TMEM132A: variants seen among roughly 807,000 people sequenced by gnomAD.
TMEM132A encodes the protein transmembrane protein 132A, also known as GRP78-binding protein.
TMEM132A carries 48 observed loss-of-function variants against 69.9 expected under a neutral mutation model. The ratio of observed to expected loss-of-function variants is 0.69; its 90% confidence interval spans 0.55 to 0.87. The LOEUF (loss-of-function observed/expected upper bound fraction) is 0.87, where lower values mean the gene tolerates loss of function less well. Among genes scored for constraint, TMEM132A ranks in the 40% least tolerant of loss-of-function variants. The probability of loss-of-function intolerance (pLI) is 0.00; values close to 1 mark genes in which losing one functional copy is unlikely to be tolerated. For synonymous variants in TMEM132A, 577 were observed against 613.7 expected (o/e 0.94, Z 0.88); for missense variants, 1,287 against 1,407.2 (o/e 0.91, Z 1.37).
Position 60,924,723 on chromosome 11 carries a change from C to T in TMEM132A, c.90C>T (p.Asp30=). The part of the protein sequence containing the change: ...WLCLLVALAL[D]VVRVDCGQAP... The stretch of plus-strand genomic sequence containing the variant: ...GCCTCCTGGTGGCCCTCGCCCTGGA[C>T]GTCGTGAGAGGTCAGCGGGAGGGGA... The change falls in exon 1 of 11, where the codon GAC becomes GAT. Residue 30 remains aspartate, a synonymous_variant. Transcript: ENST00000453848. The T allele has an allele frequency of 6.3e-7, 1 of 1,579,714 alleles. No individual in the cohort carries two copies. Among genetic ancestry groups the T allele is most frequent in the Non-Finnish European group, 8.5e-7 (1 of 1,170,702 alleles).
chr11:60,928,583 C>A, intron 3 of TMEM132A, 46 bp from the exon 4 acceptor site: 1 of 1,561,152 alleles, frequency 6.4e-7, no homozygotes, highest in Non-Finnish European at 8.7e-7. Context: ...CTGTTCCTCG[C>A]CCTGCACCCA....
chr11:60,927,124 A>C (rs1268019881), intron 1 of TMEM132A, 80 bp from the exon 2 acceptor site: 10 of 1,150,786 alleles, frequency 8.7e-6, no homozygotes, highest in Non-Finnish European at 1.3e-5. Context: ...GCCCACAACT[A>C]CTGTGCCCCA....
rs762970518 is a variant in TMEM132A at position 60,933,639 on chromosome 11, C to T, written c.1454C>T (p.Ser485Leu). 1.3e-5 allele frequency: 21 copies of T among 1,605,510 alleles called. No homozygotes were observed. Among genetic ancestry groups the T allele is most frequent in the Non-Finnish European group, 1.7e-5 (20 of 1,179,174 alleles). The change falls in exon 8 of 11, where the codon TCG becomes TTG. Residue 485 changes from serine (S) to leucine (L), a missense_variant. By Grantham distance (145) the Ser-to-Leu change is moderately radical. Coordinates refer to ENST00000453848, the MANE Select transcript of TMEM132A (RefSeq NM_178031.3). ...TTCTGGTGGCGCCGGCTCCGCGCCT[C>T]GCTGCGGCTGACCGTGTGGGCCCCC... ...VDFWWRRLRA[S>L]LRLTVWAPLL...
At chr11:60,929,668 T>C (rs1291947596) in intron 4 of TMEM132A, among the ~76,000 whole-genome samples, 1 of 152,194 alleles carries the variant, frequency 6.6e-6, no homozygotes, top group Admixed American at 6.5e-5. Context: ...TGTAATGATA[T>C]CTTTCCTGAG....
rs146666776 is a variant in TMEM132A at position 60,936,389 on chromosome 11, G to A, written c.2554G>A (p.Ala852Thr). Residue 852 changes from alanine (A) to threonine (T), a missense_variant, in exon 11 of 11, where the codon GCC (alanine) becomes ACC (threonine). Coordinates refer to ENST00000453848, the MANE Select transcript of TMEM132A (RefSeq NM_178031.3). ...HVTELELGMY[A>T]LLGVFCVAIF... is the part of the protein sequence containing the mutation. ...CACTGAGCTAGAGCTGGGCATGTAC[G>A]CCCTGCTGGGAGTCTTCTGCGTGGC... The A allele has an allele frequency of 1.4e-5, 22 of 1,614,038 alleles. No individual in the cohort carries two copies. Among genetic ancestry groups the A allele is most frequent in the Admixed American group, 1.0e-4 (6 of 60,010 alleles).
rs1856625576 is a variant in TMEM132A at position 60,937,081 on chromosome 11, T to C, written c.*174T>C. 1 of 1,375,520 alleles carries C rather than the reference T, an allele frequency of 7.3e-7. No individual in the cohort carries two copies. The allele number at this position is 1,375,520 out of a possible 1,614,324, so 85.2% of individuals were successfully genotyped here. ...CTGCCCTGCCCCTTGTCATGGACCATGGTCGTGAGGAAGGGCTCATGCCCC... is the reference window on the plus strand; with the variant it reads ...CTGCCCTGCCCCTTGTCATGGACCACGGTCGTGAGGAAGGGCTCATGCCCC... On this transcript the variant is annotated 3_prime_UTR_variant, in exon 11 of 11. Coordinates refer to ENST00000453848, the MANE Select transcript of TMEM132A (RefSeq NM_178031.3).
Position 60,930,534 on chromosome 11 carries a change from T to G in TMEM132A, c.891T>G (p.His297Gln). The change falls in exon 5 of 11, where the codon CAT (histidine) becomes CAG (glutamine). Residue 297 changes from histidine (H) to glutamine (Q), a missense_variant. Coordinates refer to ENST00000453848, the MANE Select transcript of TMEM132A (RefSeq NM_178031.3). Reference protein sequence around the residue: ...TLRIKVKKGLHVTAARPAQPT... With the variant: ...TLRIKVKKGLQVTAARPAQPT... ...GGATCAAGGTGAAGAAGGGGCTGCATGTGACAGCCGCCCGCCCAGCCCAGC... is the reference window on the plus strand; with the variant it reads ...GGATCAAGGTGAAGAAGGGGCTGCAGGTGACAGCCGCCCGCCCAGCCCAGC... 6.2e-7 allele frequency: 1 copy of G among 1,609,144 alleles called. No homozygotes were observed. Among genetic ancestry groups the G allele is most frequent in the Non-Finnish European group, 8.5e-7 (1 of 1,177,638 alleles).
At chr11:60,932,189 C>CGT in intron 7 of TMEM132A, 62 bp downstream of exon 7, 2 of 1,479,898 alleles carry the variant, frequency 1.4e-6, no homozygotes, top group Non-Finnish European at 1.8e-6. Context: ...TACGCACACA[C>CGT]ACCTTTCCTC....
At chr11:60,934,293 G>A (rs1856542897) in intron 8 of TMEM132A, 195 bp from the exon 9 acceptor site, 3 of 459,838 alleles carry the variant, frequency 6.5e-6, no homozygotes, top group Non-Finnish European at 1.1e-5. Context: ...AGCGCCAGTC[G>A]GGAGTGGGCT....
chr11:60,936,287 G>A lies in TMEM132A; in HGVS notation c.2452G>A (p.Ala818Thr), dbSNP rs1269363267. 2 of 1,613,764 alleles carry A rather than the reference G, an allele frequency of 1.2e-6. No homozygotes were observed. Among genetic ancestry groups the A allele is most frequent in the Non-Finnish European group, 1.7e-6 (2 of 1,179,814 alleles). Residue 818 changes from alanine to threonine, a missense_variant, in exon 11 of 11, where the codon GCC becomes ACC. Coordinates refer to ENST00000453848, the MANE Select transcript of TMEM132A (RefSeq NM_178031.3). The stretch of plus-strand genomic sequence containing the variant: ...CAAGTTTGAGCGGGCAGAGGAGGAG[G>A]CCAGGAAGGAGGAGACCGAAGCCAG... ...RGKFERAEEE[A>T]RKEETEAREE... is the part of the protein sequence containing the mutation.
intron 1 of TMEM132A, chr11:60,926,572 TC>T: frequency 6.5e-6 from 1 of 154,964 alleles, no homozygotes; most frequent in Middle Eastern, 2.7e-3. Flanking sequence ...TTGACTGTCT[TC>T]CCCAGGCTCC....
intron 4 of TMEM132A, 103 bp downstream of exon 4, chr11:60,929,063 C>G (rs1195679118): frequency 8.2e-7 from 1 of 1,214,916 alleles, no homozygotes; most frequent in Non-Finnish European, 1.2e-6. Context: ...TCCTTGACCT[C>G]TGCAAAACAT....
chr11:60,930,985 T>C (rs1443031066), intron 5 of TMEM132A, among the ~76,000 whole-genome samples: 1 of 152,160 alleles, frequency 6.6e-6, no homozygotes, highest in East Asian at 1.9e-4. Context: ...TGATCCTTTC[T>C]CTGGGCCGTT....
rs1856575028 is a variant in TMEM132A at position 60,935,556 on chromosome 11, T to C, written c.2028+113T>C. 8.6e-7 allele frequency: 1 copy of C among 1,157,464 alleles called. No individual in the cohort carries two copies. The highest frequency in any genetic ancestry group is 1.2e-6 in the Non-Finnish European group (1 of 822,300). The allele number at this position is 1,157,464 out of a possible 1,614,324, so 71.7% of individuals were successfully genotyped here. A position where few individuals can be genotyped will look rare whatever the true frequency, so the allele number is the denominator to read the frequency against. On this transcript the variant is annotated intron_variant, in intron 10 of 10. Coordinates refer to ENST00000453848, the MANE Select transcript of TMEM132A (RefSeq NM_178031.3). The surrounding 1 kb of genome is among the most constrained non-coding windows in gnomAD (Gnocchi z 5.0). The stretch of plus-strand genomic sequence containing the variant: ...CCTCGACCCCTTAGGGTTTTCAGAG[T>C]GAGGACTGACTCTGTGAGGTAGTGA...
chr11:60,934,479 G>A lies in TMEM132A; in HGVS notation c.1560-9G>A, dbSNP rs531155023. ...GCTGACGGCCAGTCCCGGCCTCCCCGCCCTGCAGGCCTGCGGAACCCGCTG... is the reference window on the plus strand; with the variant it reads ...GCTGACGGCCAGTCCCGGCCTCCCCACCCTGCAGGCCTGCGGAACCCGCTG... On this transcript the variant is annotated splice_polypyrimidine_tract_variant and intron_variant, in intron 8 of 10. Coordinates refer to ENST00000453848, the MANE Select transcript of TMEM132A (RefSeq NM_178031.3). 8 of 1,371,722 alleles carry A rather than the reference G, an allele frequency of 5.8e-6. No individual in the cohort carries two copies. The Admixed American group carries it at 1.5e-4, about 26-fold the overall frequency. 85.0% of individuals were successfully genotyped at this position (1,371,722 alleles called of 1,614,324 possible).
At chr11:60,929,073 T>C in intron 4 of TMEM132A, 113 bp downstream of exon 4, 3 of 1,085,050 alleles carry the variant, frequency 2.8e-6, no homozygotes, top group East Asian at 5.1e-5. Flanking sequence ...CTGCAAAACA[T>C]GTGTCCACCA....
At chr11:60,931,600 A>G in intron 5 of TMEM132A, 89 bp from the exon 6 acceptor site, 1 of 1,335,224 alleles carries the variant, frequency 7.5e-7, no homozygotes, top group Non-Finnish European at 1.0e-6. Flanking sequence ...CTCCTGTGTA[A>G]AATGGGGATA....
Position 60,934,642 on chromosome 11 carries a change from G to A in TMEM132A, c.1714G>A (p.Asp572Asn), listed in dbSNP as rs757436013. 38 of 1,593,660 alleles carry A rather than the reference G, an allele frequency of 2.4e-5. No homozygotes were observed. The South Asian group carries it at 4.0e-4, about 17-fold the overall frequency. Reference protein sequence around the residue: ...GRRLTHLLGPDWLLDVSHLVA... With the variant: ...GRRLTHLLGPNWLLDVSHLVA... ...CCGCCTCACGCACCTGCTTGGCCCC[G>A]ACTGGCTGCTAGACGTGTCCCACCT... Residue 572 changes from aspartate to asparagine, a missense_variant, in exon 9 of 11, where the codon GAC becomes AAC. Coordinates refer to ENST00000453848, the MANE Select transcript of TMEM132A (RefSeq NM_178031.3).
Position 60,931,817 on chromosome 11 carries a change from AG to A in TMEM132A, c.1147del (p.Asp383ThrfsTer27). The A allele has an allele frequency of 6.2e-7, 1 of 1,614,228 alleles. No homozygotes were observed. Among genetic ancestry groups the A allele is most frequent in the Non-Finnish European group, 8.5e-7 (1 of 1,180,040 alleles). ...CCAGGCCAGGCCCCTGAAGCAGAGA[AG>A]GACAAAATGGTGTGGGAAATCCTGG... ...EYPGQAPEAE[K>X]DKMVWEILVS... On this transcript the variant is annotated frameshift_variant, in exon 6 of 11. Transcript: ENST00000453848. LOFTEE classifies it high-confidence loss of function.
Sources: gnomAD v4.1 joint callset for allele counts (sites outside exome capture counted in the v4.1 genomes callset) on GRCh38, gnomAD v4.1.1 for gene constraint, Gnocchi (gnomAD v3.1) non-coding constraint, MANE v1.5 for transcripts, NCBI Gene and HGNC (gene_info 2026-07-23, HGNC 2026-07-21) for gene names.